PBX3: variants seen among roughly 807,000 people sequenced by gnomAD.
The protein encoded by PBX3 is pre-B-cell leukemia transcription factor 3.
A neutral mutation model predicts 48.5 loss-of-function variants in PBX3; 14 were observed. The observed-to-expected ratio is 0.29, with a 90% CI of 0.19 to 0.45. The LOEUF is 0.45. PBX3 is among the 20% of genes least tolerant of loss of function. The probability of loss-of-function intolerance (pLI) is 1.00; values close to 1 mark genes in which losing one functional copy is unlikely to be tolerated. For synonymous variants in PBX3, 210 were observed against 200.3 expected (o/e 1.05, Z -0.41); for missense variants, 386 against 546.7 (o/e 0.71, Z 2.93).
chr9:125,838,044 G>C (rs1045720318), intron 2 of PBX3, among the ~76,000 whole-genome samples: 4 of 152,120 alleles, frequency 2.6e-5, no homozygotes, highest in Non-Finnish European at 5.9e-5. Context: ...GGAAAAAAAA[G>C]GTTGTACCAT....
intron 2 of PBX3, among the ~76,000 whole-genome samples, chr9:125,875,522 C>T (rs1373753454): frequency 2.0e-5 from 3 of 152,042 alleles, no homozygotes; most frequent in Admixed American, 6.6e-5. Context: ...AAGGGAAGGA[C>T]GTTCTACTTT....
intron 2 of PBX3, among the ~76,000 whole-genome samples, chr9:125,816,090 G>A (rs1428780953): frequency 1.3e-5 from 2 of 152,020 alleles, no homozygotes; most frequent in Non-Finnish European, 2.9e-5. Context: ...CTGCAGCCCC[G>A]ACTGCCCGGG....
At chr9:125,797,419 T>TA (rs889383315) in intron 2 of PBX3, 4 of 152,168 alleles carry the variant, frequency 2.6e-5, no homozygotes, top group Admixed American at 2.6e-4. Context: ...AACTTTTTTT[T>TA]AACAACTCAT....
intron 2 of PBX3, among the ~76,000 whole-genome samples, chr9:125,862,929 C>G (rs1421787336): frequency 2.0e-5 from 3 of 151,560 alleles, no homozygotes; most frequent in African/African-American, 7.3e-5. Flanking sequence ...TGGCCTCACT[C>G]TGTCGCCCAG....
intron 2 of PBX3, among the ~76,000 whole-genome samples, chr9:125,905,562 G>A (rs1463254118): frequency 6.6e-6 from 1 of 150,996 alleles, no homozygotes; most frequent in Non-Finnish European, 1.5e-5. Flanking sequence ...TTTTTCTTTT[G>A]ATTTCTTTGC....
chr9:125,794,343 A>G (rs1434786312), intron 2 of PBX3, among the ~76,000 whole-genome samples: 1 of 152,234 alleles, frequency 6.6e-6, no homozygotes, highest in Non-Finnish European at 1.5e-5. Flanking sequence ...CAAGATTCCC[A>G]GGTAATCATA....
Position 125,915,819 on chromosome 9 carries a change from G to C in PBX3, c.408G>C (p.Ala136=). 6.2e-7 allele frequency: 1 copy of C among 1,613,992 alleles called. No individual in the cohort carries two copies. Among genetic ancestry groups the C allele is most frequent in the Non-Finnish European group, 8.5e-7 (1 of 1,179,984 alleles). ...GATCGGCGGCAGCAGCTGCAGCCGC[G>C]GCAGCCTCTGGAGGTTCTTCAGATA... ...GGGSAAAAAA[A]AASGGSSDNS... Residue 136 remains alanine, a synonymous_variant, in exon 3 of 9, where the codon GCG becomes GCC. Transcript: ENST00000373489.
intron 2 of PBX3, among the ~76,000 whole-genome samples, chr9:125,860,211 AG>A (rs1251320052): frequency 3.3e-5 from 5 of 152,234 alleles, no homozygotes; most frequent in Admixed American, 2.6e-4. Flanking sequence ...CCATAAGTAA[AG>A]CAACTTCTGG....
intron 2 of PBX3, among the ~76,000 whole-genome samples, chr9:125,850,655 G>A (rs7857894): frequency 0.7 from 107,038 of 151,854 alleles, 38,210 homozygotes; most frequent in African/African-American, 0.79. Flanking sequence ...AGTCAGTATT[G>A]TACTGAAAAA....
intron 5 of PBX3, among the ~76,000 whole-genome samples, chr9:125,952,309 C>A (rs553420843): frequency 2.6e-5 from 4 of 152,308 alleles, no homozygotes; most frequent in Non-Finnish European, 5.9e-5. Flanking sequence ...CTCTCCCTGA[C>A]GCAGTTTATG....
chr9:125,934,047 A>T (rs1481212334), intron 4 of PBX3, among the ~76,000 whole-genome samples: 1 of 152,044 alleles, frequency 6.6e-6, no homozygotes. Context: ...CCACCTCCCC[A>T]TCCAGTTCAT....
intron 2 of PBX3, among the ~76,000 whole-genome samples, chr9:125,849,404 G>A (rs763816990): frequency 1.5e-4 from 23 of 151,824 alleles, no homozygotes; most frequent in Non-Finnish European, 3.4e-4. Context: ...GAGTCAGTTT[G>A]TTAGGCAGAA....
At chr9:125,800,684 A>T (rs1162740689) in intron 2 of PBX3, among the ~76,000 whole-genome samples, 1 of 151,746 alleles carries the variant, frequency 6.6e-6, no homozygotes, top group African/African-American at 2.4e-5. Context: ...ATTTTAATGT[A>T]TAAGTTGTAT....
At chr9:125,875,135 G>A (rs955913435) in intron 2 of PBX3, among the ~76,000 whole-genome samples, 46 of 152,214 alleles carry the variant, frequency 3.0e-4, no homozygotes, top group African/African-American at 1.1e-3. Flanking sequence ...GGGATACATG[G>A]AACTCCTAGT....
intron 2 of PBX3, among the ~76,000 whole-genome samples, chr9:125,872,953 A>C (rs1840162333): frequency 1.3e-5 from 2 of 151,626 alleles, no homozygotes; most frequent in African/African-American, 2.4e-5. Flanking sequence ...TAATCCCAGC[A>C]CTTTGGGAGA....
chr9:125,915,670 C>G lies in PBX3; in HGVS notation c.275-16C>G. 2 of 1,591,422 alleles carry G rather than the reference C, an allele frequency of 1.3e-6. No individual in the cohort carries two copies. Among genetic ancestry groups the G allele is most frequent in the Non-Finnish European group, 1.7e-6 (2 of 1,166,030 alleles). ...TCGCTTCTTCTCTCTCTGTCTCTCT[C>G]TCTCTTTCCTTGAAGGTCTCAGCAT... On this transcript the variant is annotated splice_polypyrimidine_tract_variant and intron_variant, in intron 2 of 8. Transcript: ENST00000373489.
chr9:125,818,193 TC>T (rs1339338068), intron 2 of PBX3, among the ~76,000 whole-genome samples: 1 of 126,986 alleles, frequency 7.9e-6, no homozygotes, highest in African/African-American at 3.0e-5. Context: ...AGCAAGCCTT[TC>T]GTCTCAAAAA....
At chr9:125,886,654 G>T (rs1302490634) in intron 2 of PBX3, among the ~76,000 whole-genome samples, 1 of 152,074 alleles carries the variant, frequency 6.6e-6, no homozygotes, top group Non-Finnish European at 1.5e-5. Flanking sequence ...ACTGTTTTGT[G>T]TATTTTTTCC....
intron 2 of PBX3, among the ~76,000 whole-genome samples, chr9:125,893,589 T>A (rs1840701251): frequency 9.7e-6 from 1 of 103,066 alleles, no homozygotes; most frequent in Non-Finnish European, 2.5e-5. Flanking sequence ...AAGAGCCCCA[T>A]GTGATTGTTT....
Sources: gnomAD v4.1 joint callset for allele counts (sites outside exome capture counted in the v4.1 genomes callset) on GRCh38, gnomAD v4.1.1 for gene constraint, MANE v1.5 for transcripts, NCBI Gene and HGNC (gene_info 2026-07-23, HGNC 2026-07-21) for gene names.